Variants in PIK3C3 observed in about 807,000 individuals in gnomAD.
PIK3C3 encodes the protein PI3-kinase type 3.
In PIK3C3, 95 loss-of-function variants were observed where a neutral mutation model predicts 126.1. The observed-to-expected ratio is 0.75, with a 90% CI of 0.64 to 0.89. The LOEUF (loss-of-function observed/expected upper bound fraction) is 0.89, where lower values mean the gene tolerates loss of function less well. Ranked by LOEUF, PIK3C3 falls within the 40% of genes least tolerant of loss-of-function variation. PIK3C3 has a pLI of 0.00. For missense variants in PIK3C3, 829 were observed against 1,063.2 expected, an observed-to-expected ratio of 0.78 and a Z score of 3.06; for synonymous variants, 374 against 360.0, an observed-to-expected ratio of 1.04 and a Z score of -0.44.
intron 4 of PIK3C3, among the ~76,000 whole-genome samples, chr18:41,979,373 C>T (rs1239010602): frequency 6.6e-6 from 1 of 152,056 alleles, no homozygotes; most frequent in East Asian, 1.9e-4. Flanking sequence ...GCATTTTTCC[C>T]GCTAGAGATG....
chr18:41,990,461 T>G lies in PIK3C3; in HGVS notation c.621T>G (p.Ser207Arg). The change falls in exon 6 of 25, where the codon AGT (serine) becomes AGG (arginine). Residue 207 changes from serine (S) to arginine (R), a missense_variant and splice_region_variant. Coordinates refer to ENST00000262039, the MANE Select transcript of PIK3C3 (RefSeq NM_002647.4). ...ATGAAAATCATTTTTTTTTTCAGAG[T>G]GAAAAACGAAGTTCTAATTTCATGT... ...TFREIEMINE[S>R]EKRSSNFMYL... is the part of the protein sequence containing the mutation. 1 of 1,559,068 alleles carries G rather than the reference T, an allele frequency of 6.4e-7. No homozygotes were observed. The highest frequency in any genetic ancestry group is 8.8e-7 in the Non-Finnish European group (1 of 1,131,858).
intron 18 of PIK3C3, among the ~76,000 whole-genome samples, chr18:42,039,716 C>G (rs1385070416): frequency 6.6e-6 from 1 of 152,218 alleles, no homozygotes; most frequent in East Asian, 1.9e-4. Flanking sequence ...TCGATCCCTA[C>G]TGTAAGTTAG....
chr18:42,041,953 G>A (rs372236536), intron 19 of PIK3C3, among the ~76,000 whole-genome samples: 3 of 152,326 alleles, frequency 2.0e-5, no homozygotes, highest in East Asian at 3.9e-4. Flanking sequence ...GTAGCCCTAA[G>A]GTTGCAATCT....
At chr18:41,993,934 A>G (rs1216434387) in intron 7 of PIK3C3, among the ~76,000 whole-genome samples, 1 of 152,174 alleles carries the variant, frequency 6.6e-6, no homozygotes, top group African/African-American at 2.4e-5. Context: ...TGACTTTAGA[A>G]TTACAAACTT....
At chr18:42,004,680 T>G in intron 10 of PIK3C3, 139 bp downstream of exon 10, 3 of 631,158 alleles carry the variant, frequency 4.8e-6, no homozygotes, top group Non-Finnish European at 7.9e-6. Context: ...GGGAAGAGGA[T>G]ATACTAGGTG....
intron 12 of PIK3C3, among the ~76,000 whole-genome samples, 197 bp from the exon 13 acceptor site, chr18:42,020,441 G>A (rs557424475): frequency 1.3e-5 from 2 of 152,196 alleles, no homozygotes; most frequent in East Asian, 3.9e-4. Context: ...CCTCTGAACT[G>A]CGGTATTCTA....
At position 42,084,967 on chromosome 18, in the gene PIK3C3, T is replaced by G. The variant is rs1274887506; in HGVS notation, c.*3830T>G. On this transcript the variant is annotated 3_prime_UTR_variant, in exon 25 of 25. Coordinates refer to ENST00000262039, the MANE Select transcript of PIK3C3 (RefSeq NM_002647.4). ...AACAGGGGCCAGGGCTGGGAAGGCATAAGAACAGAAGATAAATTTGAGGCT... is the reference window on the plus strand; with the variant it reads ...AACAGGGGCCAGGGCTGGGAAGGCAGAAGAACAGAAGATAAATTTGAGGCT... The G allele has an allele frequency of 3.9e-5, 6 of 152,246 alleles. No individual in the cohort carries two copies. The highest frequency in any genetic ancestry group is 8.8e-5 in the Non-Finnish European group (6 of 68,072). 9.4% of individuals were successfully genotyped at this position (152,246 alleles called of 1,614,324 possible).
chr18:42,060,361 A>G (rs1187585414), intron 22 of PIK3C3, among the ~76,000 whole-genome samples: 1 of 152,240 alleles, frequency 6.6e-6, no homozygotes. Flanking sequence ...ATTAATCAGT[A>G]CATATTAAGT....
At chr18:42,076,173 TATATGCAC>T (rs1986014941) in intron 24 of PIK3C3, among the ~76,000 whole-genome samples, 8 of 125,660 alleles carry the variant, frequency 6.4e-5, no homozygotes, top group African/African-American at 1.3e-4. Flanking sequence ...CACATATATA[TATATGCAC>T]ATATATATAT....
At chr18:42,044,993 T>G (rs1216310908) in intron 20 of PIK3C3, among the ~76,000 whole-genome samples, 5 of 152,250 alleles carry the variant, frequency 3.3e-5, no homozygotes, top group African/African-American at 1.2e-4. Context: ...AATATTTTTG[T>G]GTTTTTCACA....
intron 9 of PIK3C3, among the ~76,000 whole-genome samples, chr18:42,001,347 A>G (rs1982279506): frequency 6.6e-6 from 1 of 152,226 alleles, no homozygotes; most frequent in Non-Finnish European, 1.5e-5. Context: ...TCAGCTAATA[A>G]TTGATAGAGC....
chr18:42,063,007 G>C (rs1985384257), intron 22 of PIK3C3, among the ~76,000 whole-genome samples: 1 of 152,100 alleles, frequency 6.6e-6, no homozygotes, highest in African/African-American at 2.4e-5. Flanking sequence ...GGAAGTCTAT[G>C]ATATAGTTTC....
chr18:41,958,501 G>C (rs1350273119), intron 2 of PIK3C3, among the ~76,000 whole-genome samples: 2 of 152,152 alleles, frequency 1.3e-5, no homozygotes, highest in African/African-American at 4.8e-5. Context: ...GCCATAGAGG[G>C]TTCAACCCTG....
intron 24 of PIK3C3, among the ~76,000 whole-genome samples, chr18:42,072,872 C>T (rs935874824): frequency 2.6e-5 from 4 of 151,960 alleles, no homozygotes; most frequent in Middle Eastern, 3.2e-3. Flanking sequence ...GGGTTGTATA[C>T]GTGGGAAAGA....
intron 23 of PIK3C3, among the ~76,000 whole-genome samples, chr18:42,065,394 G>A (rs2144517772): frequency 6.6e-6 from 1 of 152,222 alleles, no homozygotes; most frequent in Middle Eastern, 3.4e-3. Flanking sequence ...ACTATCAATA[G>A]AGACATTAAA....
rs181853463 is a variant in PIK3C3, at chr18:41,970,308, A to T, written c.402-19A>T. On this transcript the variant is annotated intron_variant, in intron 3 of 24. Transcript: ENST00000262039. ...CTGTATTAATTTACTTCTACCCTGA[A>T]CATTCTCTTTTTCCCTAGCATGTTT... 6.8e-6 allele frequency: 11 copies of T among 1,610,360 alleles called. No individual in the cohort carries two copies. The highest frequency in any genetic ancestry group is 9.3e-6 in the Non-Finnish European group (11 of 1,176,750).
chr18:42,048,014 G>C (rs1212322047), intron 20 of PIK3C3, among the ~76,000 whole-genome samples: 1 of 152,160 alleles, frequency 6.6e-6, no homozygotes, highest in Non-Finnish European at 1.5e-5. Flanking sequence ...GTATGACTGT[G>C]TTCAAATAAA....
At chr18:41,976,229 A>G (rs1380197225) in intron 4 of PIK3C3, among the ~76,000 whole-genome samples, 1 of 152,132 alleles carries the variant, frequency 6.6e-6, no homozygotes, top group East Asian at 1.9e-4. Context: ...ATTTTGCATT[A>G]ATCTATTGCA....
At chr18:41,986,606 T>C (rs1366061231) in intron 4 of PIK3C3, among the ~76,000 whole-genome samples, 1 of 148,546 alleles carries the variant, frequency 6.7e-6, no homozygotes, top group Admixed American at 6.6e-5. Context: ...CACTCTTTTC[T>C]GTAGGTCACA....
Sources: allele counts gnomAD v4.1 joint callset (sites outside exome capture counted in the v4.1 genomes callset), GRCh38; gene constraint gnomAD v4.1.1; transcripts MANE v1.5; gene names NCBI Gene and HGNC (gene_info 2026-07-23, HGNC 2026-07-21).